FBN1: variants seen among roughly 807,000 people sequenced by gnomAD.
The protein encoded by FBN1 is fibrillin 1.
FBN1 carries 29 observed loss-of-function variants against 365.1 expected under a neutral mutation model. The ratio of observed to expected loss-of-function variants is 0.08; its 90% confidence interval spans 0.06 to 0.11. The LOEUF is 0.11. FBN1 is among the 10% of genes least tolerant of loss of function. The probability of loss-of-function intolerance (pLI) is 1.00; values close to 1 mark genes in which losing one functional copy is unlikely to be tolerated. For missense variants in FBN1, 2,476 were observed against 3,703.2 expected (o/e 0.67, Z 8.60); for synonymous variants, 1,210 against 1,270.5 (o/e 0.95, Z 1.01).
chr15:48,603,971 T>A (rs2044587017), intron 4 of FBN1, among the ~76,000 whole-genome samples: 1 of 152,236 alleles, frequency 6.6e-6, no homozygotes, highest in Admixed American at 6.5e-5. Flanking sequence ...TTTGTGTTCA[T>A]ATCAGATGTC....
intron 30 of FBN1, 88 bp downstream of exon 30, chr15:48,485,286 A>C: frequency 6.3e-7 from 1 of 1,575,580 alleles, no homozygotes; most frequent in Non-Finnish European, 8.7e-7. Context: ...GTTTGGACTC[A>C]AGCCTGCTTG....
chr15:48,428,555 C>T (rs2043000445), intron 56 of FBN1, 84 bp from the exon 57 acceptor site: 1 of 1,477,922 alleles, frequency 6.8e-7, no homozygotes, highest in Admixed American at 1.7e-5. Flanking sequence ...TTCGTTCCTT[C>T]CTTCCTCCCT....
Position 48,472,514 on chromosome 15 carries a change from G to A in FBN1, c.4336+37C>T, listed in dbSNP as rs770392340. The A allele has an allele frequency of 1.9e-6, 3 of 1,563,160 alleles. No homozygotes were observed. The South Asian group carries it at 3.3e-5, about 17-fold the overall frequency. Reference sequence around the variant, plus strand: ...TGTTTAAATAACCTAATCTCATCAAGCCCAGCAAGGCTCCCAGTGGCTTCC... The same window carrying A: ...TGTTTAAATAACCTAATCTCATCAAACCCAGCAAGGCTCCCAGTGGCTTCC... On this transcript the variant is annotated intron_variant, in intron 35 of 65. Coordinates refer to ENST00000316623, the MANE Select transcript of FBN1 (RefSeq NM_000138.5).
intron 2 of FBN1, among the ~76,000 whole-genome samples, chr15:48,631,926 T>C (rs1889996572): frequency 6.6e-6 from 1 of 152,232 alleles, no homozygotes; most frequent in Non-Finnish European, 1.5e-5. Flanking sequence ...AAAATTTAAA[T>C]TCTTTTCACA....
At position 48,412,607 on chromosome 15, in the gene FBN1, G is replaced by A. The variant is rs1371152380; in HGVS notation, c.8188C>T (p.Arg2730Trp). Residue 2730 changes from arginine (R) to tryptophan (W), a missense_variant, in exon 65 of 66, where the codon CGG becomes TGG. By Grantham distance (101) the Arg-to-Trp change is moderately radical (BLOSUM62 -3). Coordinates refer to ENST00000316623, the MANE Select transcript of FBN1 (RefSeq NM_000138.5). ...GCATCAGTTTCGTTTGTGCTTCTCC[G>A]TTTCCTGCCCCGTTTGGGGTAGCCA... is the stretch of plus-strand genomic sequence containing the variant. The part of the protein sequence containing the change: ...INGYPKRGRK[R>W]RSTNETDASN... 1.2e-6 allele frequency: 2 copies of A among 1,614,160 alleles called. No homozygotes were observed. The highest frequency in any genetic ancestry group is 1.7e-6 in the Non-Finnish European group (2 of 1,180,026).
intron 35 of FBN1, among the ~76,000 whole-genome samples, chr15:48,471,386 A>G (rs2043375879): frequency 6.6e-6 from 1 of 152,178 alleles, no homozygotes; most frequent in Non-Finnish European, 1.5e-5. Context: ...TTAAGAACAA[A>G]CAAACAAACA....
intron 6 of FBN1, among the ~76,000 whole-genome samples, chr15:48,556,644 CT>C (rs1033655835): frequency 1.3e-5 from 2 of 152,206 alleles, no homozygotes; most frequent in African/African-American, 4.8e-5. Context: ...ATGGCAGCTA[CT>C]CCTCATAGTG....
At chr15:48,412,136 G>A (rs542944820) in intron 65 of FBN1, among the ~76,000 whole-genome samples, 1 of 152,286 alleles carries the variant, frequency 6.6e-6, no homozygotes, top group South Asian at 2.1e-4. Flanking sequence ...TCAGCTCCAC[G>A]TTATTTTTGT....
intron 24 of FBN1, among the ~76,000 whole-genome samples, chr15:48,491,228 G>C (rs373595021): frequency 2.0e-5 from 3 of 151,926 alleles, no homozygotes; most frequent in Non-Finnish European, 2.9e-5. Context: ...TTGAATTCCC[G>C]GTTCCATTCC....
Position 48,497,250 on chromosome 15 carries a change from G to C in FBN1, c.2293+16C>G, listed in dbSNP as rs772889439. On this transcript the variant is annotated intron_variant, in intron 19 of 65. Coordinates refer to ENST00000316623, the MANE Select transcript of FBN1 (RefSeq NM_000138.5). ...TTATGCAGGCAATGTTTCAGAAAAT[G>C]GGTAAAACTTCTCACCAACGCAGTT... The C allele has an allele frequency of 5.6e-6, 9 of 1,613,800 alleles. No homozygotes were observed. In the Admixed American group the frequency reaches 1.3e-4, roughly 24 times the overall value.
intron 53 of FBN1, 121 bp from the exon 54 acceptor site, chr15:48,434,834 G>A: frequency 3.3e-6 from 4 of 1,194,506 alleles, no homozygotes; most frequent in Non-Finnish European, 4.8e-6. Context: ...GTCTCACTTT[G>A]ACATCCAGAC....
At chr15:48,441,683 T>C (rs1230347916) in intron 50 of FBN1, 38 bp downstream of exon 50, 1 of 1,612,662 alleles carries the variant, frequency 6.2e-7, no homozygotes, top group Admixed American at 1.7e-5. Flanking sequence ...CAAATAAACA[T>C]GCAGCATTGA....
chr15:48,593,079 A>G (rs1426381075), intron 6 of FBN1, among the ~76,000 whole-genome samples: 2 of 152,234 alleles, frequency 1.3e-5, no homozygotes, highest in African/African-American at 4.8e-5. Flanking sequence ...TAATCTTATT[A>G]CACTGTTATA....
At chr15:48,421,168 C>G (rs528468314) in intron 62 of FBN1, among the ~76,000 whole-genome samples, 1 of 152,052 alleles carries the variant, frequency 6.6e-6, no homozygotes, top group South Asian at 2.1e-4. Flanking sequence ...ATTTAAACTT[C>G]TAATTAAATG....
chr15:48,586,956 ATG>A (rs1202553930), intron 6 of FBN1, among the ~76,000 whole-genome samples: 1 of 152,198 alleles, frequency 6.6e-6, no homozygotes, highest in Non-Finnish European at 1.5e-5. Flanking sequence ...GGGCTTGGAG[ATG>A]TGAGTTAAAC....
chr15:48,530,338 C>T (rs1462880846), intron 8 of FBN1, among the ~76,000 whole-genome samples: 6 of 151,972 alleles, frequency 3.9e-5, no homozygotes, highest in Admixed American at 1.3e-4. Context: ...ATGCTGCATC[C>T]GCCGCCCGAT....
intron 2 of FBN1, chr15:48,642,904 G>C (rs867825286): frequency 1.3e-5 from 2 of 152,150 alleles, no homozygotes; most frequent in Admixed American, 1.3e-4. Context: ...GAGAGAAAAA[G>C]CACAAGTGTG....
At chr15:48,467,822 G>T in intron 38 of FBN1, 116 bp downstream of exon 38, 5 of 967,614 alleles carry the variant, frequency 5.2e-6, no homozygotes, top group South Asian at 3.9e-5. Flanking sequence ...CCTCTACAGG[G>T]CTGAGAGGAC....
Position 48,488,297 on chromosome 15 carries a change from C to A in FBN1, c.3209-56G>T, listed in dbSNP as rs576697374. 95 of 1,613,110 alleles carry A rather than the reference C, an allele frequency of 5.9e-5. No individual in the cohort carries two copies. In the African/African-American group the frequency reaches 1.1e-3, roughly 19 times the overall value. ...AGTCTCAGGACAGCCTTAATTCTTG[C>A]GACAATATGTTAAAGATAAAGAGTT... On this transcript the variant is annotated intron_variant, in intron 26 of 65. Coordinates refer to ENST00000316623, the MANE Select transcript of FBN1 (RefSeq NM_000138.5).
Sources: gnomAD v4.1 joint callset for allele counts (sites outside exome capture counted in the v4.1 genomes callset) on GRCh38, gnomAD v4.1.1 for gene constraint, MANE v1.5 for transcripts, NCBI Gene and HGNC (gene_info 2026-07-23, HGNC 2026-07-21) for gene names.